Variants in POLK observed in about 807,000 individuals in gnomAD.
POLK encodes DNA polymerase kappa.
Under a neutral mutation model 94.0 loss-of-function variants are expected in POLK, and 76 were observed. The observed-to-expected ratio is 0.81, with a 90% CI of 0.67 to 0.98. The LOEUF (loss-of-function observed/expected upper bound fraction) is 0.98, where lower values mean the gene tolerates loss of function less well. POLK is among the 50% of genes least tolerant of loss of function. The pLI, the probability that POLK is intolerant of heterozygous loss-of-function variation, is 0.00. For synonymous variants in POLK, 349 were observed against 325.4 expected, an observed-to-expected ratio of 1.07 and a Z score of -0.78; for missense variants, 954 against 1,010.1, an observed-to-expected ratio of 0.94 and a Z score of 0.75.
chr5:75,593,807 C>A, intron 11 of POLK, 71 bp from the exon 12 acceptor site: 1 of 874,868 alleles, frequency 1.1e-6, no homozygotes, highest in Non-Finnish European at 1.7e-6. Flanking sequence ...TGTGCCAGCG[C>A]ACTCCAGCAT....
intron 4 of POLK, among the ~76,000 whole-genome samples, chr5:75,572,567 C>G (rs1370572491): frequency 6.6e-6 from 1 of 152,132 alleles, no homozygotes; most frequent in African/African-American, 2.4e-5. Flanking sequence ...ACATAACTCA[C>G]TATCATCCAA....
intron 1 of POLK, among the ~76,000 whole-genome samples, chr5:75,534,210 G>A (rs10078589): frequency 0.014 from 2,136 of 151,326 alleles, 21 homozygotes; most frequent in South Asian, 0.047. Flanking sequence ...AGGTTGCAGT[G>A]AGCTGAGATT....
intron 1 of POLK, among the ~76,000 whole-genome samples, chr5:75,523,630 A>G (rs1233580685): frequency 6.6e-6 from 1 of 152,242 alleles, no homozygotes; most frequent in South Asian, 2.1e-4. Flanking sequence ...AAACAGGTAC[A>G]TGATTCAAGC....
chr5:75,593,936 C>T, exon 12 of POLK: 1 of 1,608,620 alleles, frequency 6.2e-7, no homozygotes, highest in Non-Finnish European at 8.5e-7. Flanking sequence ...ACTCGTGCAT[C>T]TACAGTTTCA....
chr5:75,581,490 C>G, intron 7 of POLK, 42 bp downstream of exon 7: 1 of 1,542,600 alleles, frequency 6.5e-7, no homozygotes, highest in Non-Finnish European at 8.9e-7. Context: ...TTATAATTTT[C>G]AGACTGGCTA....
intron 3 of POLK, among the ~76,000 whole-genome samples, chr5:75,560,238 T>C (rs1166934280): frequency 6.6e-6 from 1 of 152,190 alleles, no homozygotes; most frequent in Non-Finnish European, 1.5e-5. Flanking sequence ...TGAGTTAACA[T>C]AGGAAGCACT....
chr5:75,511,916 T>A lies in POLK; in HGVS notation c.-14+2T>A. ...GTAGTCGCGATCCTGAGGTAACGGG[T>A]GAGTATCCCGCGCGGGGATCGCTTG... On this transcript the variant is annotated splice_donor_variant, in intron 1 of 14. Transcript: ENST00000241436. LOFTEE classifies it low-confidence loss of function (5UTR_SPLICE). 1 of 1,231,868 alleles carries A rather than the reference T, an allele frequency of 8.1e-7. No homozygotes were observed. The highest frequency in any genetic ancestry group is 1.1e-6 in the Non-Finnish European group (1 of 887,086). The allele number at this position is 1,231,868 out of a possible 1,614,324, so 76.3% of individuals were successfully genotyped here.
chr5:75,516,693 T>G (rs1295625595), intron 1 of POLK, among the ~76,000 whole-genome samples: 1 of 152,078 alleles, frequency 6.6e-6, no homozygotes, highest in African/African-American at 2.4e-5. Flanking sequence ...ATAAAACAAC[T>G]TTTGGCCAGG....
chr5:75,578,884 A>T (rs777126388), intron 6 of POLK, among the ~76,000 whole-genome samples: 2 of 152,224 alleles, frequency 1.3e-5, no homozygotes, highest in Non-Finnish European at 2.9e-5. Flanking sequence ...TAATATAAGA[A>T]ACTGAAATAC....
intron 1 of POLK, among the ~76,000 whole-genome samples, chr5:75,534,600 A>G (rs1260520099): frequency 1.3e-5 from 2 of 152,138 alleles, no homozygotes; most frequent in Non-Finnish European, 1.5e-5. Context: ...GTGGTTATCT[A>G]AGTTTCTTCA....
At chr5:75,594,127 G>A in intron 12 of POLK, 78 bp downstream of exon 12, 7 of 1,047,584 alleles carry the variant, frequency 6.7e-6, no homozygotes, top group Non-Finnish European at 8.4e-6. Context: ...AATACAGGGG[G>A]CCCCCAACTT....
intron 10 of POLK, among the ~76,000 whole-genome samples, chr5:75,587,901 C>T (rs1019452826): frequency 1.3e-5 from 2 of 152,122 alleles, no homozygotes; most frequent in Admixed American, 1.3e-4. Flanking sequence ...GCCTAGGTGA[C>T]AGAGTGAGAC....
intron 1 of POLK, among the ~76,000 whole-genome samples, chr5:75,543,810 A>C (rs902001301): frequency 1.3e-5 from 2 of 151,708 alleles, no homozygotes; most frequent in Non-Finnish European, 2.9e-5. Flanking sequence ...ACCAAAACCA[A>C]CTCTTAGAGT....
chr5:75,566,732 G>A (rs1293084653), intron 3 of POLK, among the ~76,000 whole-genome samples: 1 of 152,116 alleles, frequency 6.6e-6, no homozygotes, highest in Admixed American at 6.5e-5. Context: ...AGGTGAGCCG[G>A]GTACCTCAGT....
chr5:75,532,470 T>A (rs934167708), intron 1 of POLK, among the ~76,000 whole-genome samples: 16 of 152,120 alleles, frequency 1.1e-4, no homozygotes, highest in East Asian at 5.8e-4. Flanking sequence ...TTTTTTTTTT[T>A]AAATCCAGTC....
At chr5:75,578,746 G>GT (rs1332609447) in intron 6 of POLK, among the ~76,000 whole-genome samples, 4 of 152,092 alleles carry the variant, frequency 2.6e-5, no homozygotes. Context: ...TTGTTTTGCT[G>GT]TTTCCCCATT....
At chr5:75,545,432 A>C (rs1156772061) in intron 1 of POLK, among the ~76,000 whole-genome samples, 1 of 152,210 alleles carries the variant, frequency 6.6e-6, no homozygotes, top group Non-Finnish European at 1.5e-5. Context: ...CTTGCATTCA[A>C]ATCCCAATTC....
intron 7 of POLK, chr5:75,582,156 T>C: frequency 1.0e-6 from 1 of 986,198 alleles, no homozygotes; most frequent in Non-Finnish European, 1.2e-6. Context: ...ACTAGCAACA[T>C]AGCAATCCAG....
At chr5:75,513,916 A>G (rs1768199597) in intron 1 of POLK, among the ~76,000 whole-genome samples, 2 of 151,984 alleles carry the variant, frequency 1.3e-5, no homozygotes, top group South Asian at 4.2e-4. Context: ...TATATAAAGC[A>G]GTGTGGTGGT....
Sources: allele counts gnomAD v4.1 joint callset (sites outside exome capture counted in the v4.1 genomes callset), GRCh38; gene constraint gnomAD v4.1.1; transcripts MANE v1.5; gene names NCBI Gene and HGNC (gene_info 2026-07-23, HGNC 2026-07-21).